Variants in CORO7 observed in about 807,000 individuals in gnomAD.
The protein encoded by CORO7 is coronin-7.
A neutral mutation model predicts 126.6 loss-of-function variants in CORO7; 107 were observed. The ratio of observed to expected loss-of-function variants is 0.85; its 90% CI spans 0.72 to 0.99. The LOEUF (loss-of-function observed/expected upper bound fraction) is 0.99, where lower values mean the gene tolerates loss of function less well. Ranked by LOEUF, CORO7 falls within the 50% of genes least tolerant of loss-of-function variation. CORO7 has a pLI of 0.00. For synonymous variants in CORO7, 603 were observed against 536.8 expected (o/e 1.12, Z -1.70); for missense variants, 1,314 against 1,255.8 (o/e 1.05, Z -0.70).
chr16:4,400,797 C>CAATAATAATTAATAAT (rs1555480011), intron 6 of CORO7, among the ~76,000 whole-genome samples: 13 of 139,338 alleles, frequency 9.3e-5, no homozygotes, highest in South Asian at 7.1e-4. Context: ...TCCAGCAGTG[C>CAATAATAATTAATAAT]AATAATAATA....
At chr16:4,370,799 C>T (rs1412709954) in intron 9 of CORO7, among the ~76,000 whole-genome samples, 1 of 122,692 alleles carries the variant, frequency 8.2e-6, no homozygotes. Flanking sequence ...CCCAGCCTCC[C>T]AGGGATAAGC....
At position 4,407,688 on chromosome 16, in the gene CORO7, C is replaced by G; in HGVS notation, c.304-4G>C. 6.3e-7 allele frequency: 1 copy of G among 1,577,504 alleles called. No homozygotes were observed. The highest frequency in any genetic ancestry group is 8.6e-7 in the Non-Finnish European group (1 of 1,164,092). On this transcript the variant is annotated splice_region_variant and splice_polypyrimidine_tract_variant and intron_variant, in intron 4 of 27. Transcript: ENST00000251166. ...CTGGCAGTCGCCAGAGTTTTACCTG[C>G]AAGAAAGACCAAGTCCGTGAGCACA...
intron 24 of CORO7, 33 bp from the exon 25 acceptor site, chr16:4,358,136 T>G (rs201099555): frequency 4.4e-6 from 7 of 1,595,518 alleles, no homozygotes; most frequent in Admixed American, 1.7e-5. Flanking sequence ...TCCTGAGACA[T>G]TGACCAGGTG....
intron 21 of CORO7, 43 bp downstream of exon 21, chr16:4,360,235 G>A (rs2054118153): frequency 6.2e-7 from 1 of 1,611,906 alleles, no homozygotes; most frequent in Non-Finnish European, 8.5e-7. Flanking sequence ...GGGGGACACA[G>A]GTGGCTTCTG....
chr16:4,382,528 G>A lies in CORO7; in HGVS notation c.785+5458C>T, dbSNP rs367830549. The A allele has an allele frequency of 2.3e-5, 36 of 1,593,208 alleles. No individual in the cohort carries two copies. The African/African-American group carries it at 3.9e-4, about 17-fold the overall frequency. ...GGTGCCGGAGGGCGAGGAGGCCTGC[G>A]GGGAGGCCCATACACCCCCAGCCGT... is the stretch of plus-strand genomic sequence containing the variant. On this transcript the variant is annotated intron_variant, in intron 9 of 27. Transcript: ENST00000251166.
intron 9 of CORO7, among the ~76,000 whole-genome samples, chr16:4,370,023 T>C (rs975969579): frequency 5.9e-5 from 9 of 152,118 alleles, no homozygotes; most frequent in South Asian, 2.1e-4. Flanking sequence ...GGGCACAGGA[T>C]TGGGGCAGGG....
chr16:4,394,078 G>A (rs529336316), intron 7 of CORO7, among the ~76,000 whole-genome samples: 7 of 152,018 alleles, frequency 4.6e-5, no homozygotes, highest in Admixed American at 1.3e-4. Context: ...TCCAGCCTGG[G>A]TGAAAGAGCA....
chr16:4,369,338 T>C (rs2141209050), intron 9 of CORO7, among the ~76,000 whole-genome samples: 1 of 152,358 alleles, frequency 6.6e-6, no homozygotes, highest in Non-Finnish European at 1.5e-5. Flanking sequence ...AAGCTGGGTC[T>C]GGGTCTGGAA....
rs1228228888 is a variant in CORO7, at chr16:4,405,352, G to A, written c.564+139C>T. 6 of 889,824 alleles carry A rather than the reference G, an allele frequency of 6.7e-6. No homozygotes were observed. In the East Asian group the frequency reaches 1.2e-4, roughly 18 times the overall value. 55.1% of individuals were successfully genotyped at this position (889,824 alleles called of 1,614,324 possible). A position where few individuals can be genotyped will look rare whatever the true frequency, so the allele number is the denominator to read the frequency against. Reference sequence around the variant, plus strand: ...GCGGGGGTGTGAGGAGCAGCTAGGGGGCAGGGCACACAGATGACCATCCTG... The same window carrying A: ...GCGGGGGTGTGAGGAGCAGCTAGGGAGCAGGGCACACAGATGACCATCCTG... On this transcript the variant is annotated intron_variant, in intron 6 of 27. Transcript: ENST00000251166.
rs141976560 is a variant in CORO7 at position 4,364,372 on chromosome 16, C to G, written c.1179G>C (p.Pro393=). 2 of 1,516,488 alleles carry G rather than the reference C, an allele frequency of 1.3e-6. No individual in the cohort carries two copies. Among genetic ancestry groups the G allele is most frequent in the Non-Finnish European group, 1.8e-6 (2 of 1,135,008 alleles). 93.9% of individuals were successfully genotyped at this position (1,516,488 alleles called of 1,614,324 possible). ...VSLNPACRPH[P]SFTSCLVPPA... Reference sequence around the variant, plus strand: ...GGGGCACCAGACAGGAAGTGAAGCTCGGGTGGGGCCGGCAGGCGGGGTTGA... The same window carrying G: ...GGGGCACCAGACAGGAAGTGAAGCTGGGGTGGGGCCGGCAGGCGGGGTTGA... Residue 393 remains proline (P), a synonymous_variant, in exon 14 of 28, where the codon CCG becomes CCC. Transcript: ENST00000251166.
intron 6 of CORO7, among the ~76,000 whole-genome samples, chr16:4,398,424 G>C (rs960534170): frequency 6.6e-6 from 1 of 152,208 alleles, no homozygotes; most frequent in East Asian, 1.9e-4. Flanking sequence ...AGCACTTTGC[G>C]AAGCCAAGGC....
chr16:4,392,467 C>T (rs1274118839), intron 7 of CORO7, among the ~76,000 whole-genome samples: 1 of 152,204 alleles, frequency 6.6e-6, no homozygotes, highest in Non-Finnish European at 1.5e-5. Flanking sequence ...AGGAGCCTCC[C>T]CAGGGTCCCC....
Position 4,357,242 on chromosome 16 carries a change from C to T in CORO7, c.2611G>A (p.Glu871Lys). Reference protein sequence around the residue: ...DMSPVSQAPREAPARRAPSSA... With the variant: ...DMSPVSQAPRKAPARRAPSSA... ...GATGGGGCCCGACGAGCAGGGGCCT[C>T]TCGGGGGGCTTGGCTCACTGGGACA... Residue 871 changes from glutamate to lysine, a missense_variant, in exon 26 of 28, where the codon GAG (glutamate) becomes AAG (lysine). Physicochemically the swap from Glu to Lys is moderately conservative, Grantham distance 56. Transcript: ENST00000251166. 1 of 1,613,494 alleles carries T rather than the reference C, an allele frequency of 6.2e-7. No homozygotes were observed. Among genetic ancestry groups the T allele is most frequent in the Middle Eastern group, 1.7e-4 (1 of 6,054 alleles).
Position 4,388,703 on chromosome 16 carries a change from G to T in CORO7, c.616-72C>A. ...GGGCGGGGCCCCCTGGAATGGGCCT[G>T]AGCTGGGGAACTTCTGCTGCCCACC... On this transcript the variant is annotated intron_variant, in intron 7 of 27. Coordinates refer to ENST00000251166, the MANE Select transcript of CORO7 (RefSeq NM_024535.5). The T allele has an allele frequency of 2.0e-6, 3 of 1,502,294 alleles. No homozygotes were observed. The Admixed American group carries it at 6.0e-5, about 30-fold the overall frequency. The allele number at this position is 1,502,294 out of a possible 1,614,324, so 93.1% of individuals were successfully genotyped here. A position where few individuals can be genotyped will look rare whatever the true frequency, so the allele number is the denominator to read the frequency against.
chr16:4,392,157 G>C (rs1346329265), intron 7 of CORO7, among the ~76,000 whole-genome samples: 1 of 152,146 alleles, frequency 6.6e-6, no homozygotes, highest in Non-Finnish European at 1.5e-5. Flanking sequence ...GCCCAGACAA[G>C]GGTTCTGAGG....
intron 4 of CORO7, 112 bp downstream of exon 4, chr16:4,408,069 G>A (rs1322049298): frequency 6.7e-7 from 1 of 1,484,768 alleles, no homozygotes; most frequent in Non-Finnish European, 9.3e-7. Flanking sequence ...TGGGGAGTGG[G>A]GTGGGGCTGG....
chr16:4,381,294 C>G, intron 9 of CORO7: 1 of 1,612,414 alleles, frequency 6.2e-7, no homozygotes, highest in Non-Finnish European at 8.5e-7. Flanking sequence ...TCCGCCACAT[C>G]CAGCCTGGTG....
At chr16:4,403,440 G>A (rs550925569) in intron 6 of CORO7, among the ~76,000 whole-genome samples, 1 of 152,152 alleles carries the variant, frequency 6.6e-6, no homozygotes, top group Non-Finnish European at 1.5e-5. Flanking sequence ...CGTCCCCGCA[G>A]GCGGAATTCC....
intron 7 of CORO7, among the ~76,000 whole-genome samples, chr16:4,393,743 G>T (rs914299062): frequency 1.1e-4 from 17 of 152,166 alleles, no homozygotes; most frequent in African/African-American, 3.6e-4. Flanking sequence ...CTAACAGTAG[G>T]ACCCTAAACT....
Sources: allele counts gnomAD v4.1 joint callset (sites outside exome capture counted in the v4.1 genomes callset), GRCh38; gene constraint gnomAD v4.1.1; transcripts MANE v1.5; gene names NCBI Gene and HGNC (gene_info 2026-07-23, HGNC 2026-07-21).